Variants in SEC24B observed in about 807,000 individuals in gnomAD.
SEC24B encodes the protein SEC24 homolog B, COPII component.
SEC24B carries 45 observed loss-of-function variants against 142.8 expected under a neutral mutation model. The observed-to-expected ratio is 0.32, with a 90% CI of 0.25 to 0.40. SEC24B has a LOEUF of 0.40. SEC24B is among the 10% of genes least tolerant of loss of function. SEC24B has a pLI of 1.00. For synonymous variants in SEC24B, 574 were observed against 568.2 expected (o/e 1.01, Z -0.15); for missense variants, 1,409 against 1,526.8 (o/e 0.92, Z 1.29).
chr4:109,465,422 G>A (rs1578812794), intron 2 of SEC24B, among the ~76,000 whole-genome samples: 1 of 151,952 alleles, frequency 6.6e-6, no homozygotes, highest in East Asian at 1.9e-4. Flanking sequence ...TTTTACAAAT[G>A]AAGAAAGTTA....
At chr4:109,533,721 G>C (rs987862345) in intron 22 of SEC24B, 36 bp downstream of exon 22, 1 of 1,242,040 alleles carries the variant, frequency 8.1e-7, no homozygotes, top group Admixed American at 2.1e-5. Flanking sequence ...CTTTTTGTTT[G>C]CTCATTTTTT....
chr4:109,506,099 T>G (rs1736657290), intron 6 of SEC24B, among the ~76,000 whole-genome samples: 1 of 152,162 alleles, frequency 6.6e-6, no homozygotes, highest in Non-Finnish European at 1.5e-5. Context: ...TTGAAAAGCA[T>G]TGTTGCTGAA....
At chr4:109,533,223 C>G (rs1292226642) in intron 21 of SEC24B, among the ~76,000 whole-genome samples, 1 of 151,914 alleles carries the variant, frequency 6.6e-6, no homozygotes, top group Non-Finnish European at 1.5e-5. Flanking sequence ...CAAAATGATG[C>G]CTTATGAGCA....
At chr4:109,447,924 T>C (rs769098044) in intron 1 of SEC24B, among the ~76,000 whole-genome samples, 2 of 152,222 alleles carry the variant, frequency 1.3e-5, no homozygotes, top group African/African-American at 2.4e-5. Flanking sequence ...CTTTGTCAGC[T>C]AGCTTCTGGA....
chr4:109,501,608 T>A (rs1304748459), intron 6 of SEC24B, among the ~76,000 whole-genome samples: 3 of 152,172 alleles, frequency 2.0e-5, no homozygotes, highest in Non-Finnish European at 4.4e-5. Context: ...GTAACTGGGA[T>A]TATAGGCGTG....
Position 109,493,704 on chromosome 4 carries a change from C to T in SEC24B, c.1247-911C>T, listed in dbSNP as rs371147797. ...AGTGCAATGGCGCAATCTCGGCTCACTGCAGCCTCAGCCTCCTGAGTAGCT... is the reference window on the plus strand; with the variant it reads ...AGTGCAATGGCGCAATCTCGGCTCATTGCAGCCTCAGCCTCCTGAGTAGCT... On this transcript the variant is annotated intron_variant, in intron 5 of 23. Coordinates refer to ENST00000265175, the MANE Select transcript of SEC24B (RefSeq NM_006323.5). Among the ~76,000 whole-genome samples, 61 of 151,604 alleles carry T rather than the reference C, an allele frequency of 4.0e-4. No homozygotes were observed. The South Asian group carries it at 0.013, about 32-fold the overall frequency.
chr4:109,537,584 G>A (rs998106766), intron 22 of SEC24B, among the ~76,000 whole-genome samples: 1 of 152,186 alleles, frequency 6.6e-6, no homozygotes, highest in Admixed American at 6.5e-5. Flanking sequence ...CAAAGCTGTA[G>A]TGTACTATGA....
At chr4:109,506,180 C>G in intron 6 of SEC24B, 148 bp from the exon 7 acceptor site, 1 of 443,294 alleles carries the variant, frequency 2.3e-6, no homozygotes, top group Admixed American at 4.4e-5. Flanking sequence ...GAGTTTTTTT[C>G]AAGTGTGCTT....
intron 1 of SEC24B, among the ~76,000 whole-genome samples, chr4:109,460,181 C>T (rs779348080): frequency 2.0e-5 from 3 of 151,868 alleles, no homozygotes; most frequent in Admixed American, 6.6e-5. Flanking sequence ...TTATGCTGGC[C>T]GTAGAATATA....
intron 1 of SEC24B, among the ~76,000 whole-genome samples, chr4:109,443,400 A>C (rs1006272557): frequency 3.9e-5 from 6 of 152,126 alleles, no homozygotes; most frequent in Non-Finnish European, 7.4e-5. Context: ...ATGTAATCCT[A>C]ACAGTTATAT....
At chr4:109,439,842 C>T (rs895406402) in intron 1 of SEC24B, among the ~76,000 whole-genome samples, 5 of 150,994 alleles carry the variant, frequency 3.3e-5, no homozygotes, top group African/African-American at 7.3e-5. Context: ...TAAAGTAGGC[C>T]GAGCATGGTG....
intron 8 of SEC24B, among the ~76,000 whole-genome samples, chr4:109,511,105 ATATATATATGAAATTGTATAC>A (rs1354688782): frequency 6.6e-6 from 1 of 151,746 alleles, no homozygotes; most frequent in Non-Finnish European, 1.5e-5. Context: ...AGTTAATTTC[ATATATATATGAAATTGTATAC>A]TATATATATG....
chr4:109,460,302 A>T (rs1283689195), intron 1 of SEC24B, among the ~76,000 whole-genome samples: 2 of 152,186 alleles, frequency 1.3e-5, no homozygotes, highest in Admixed American at 6.5e-5. Flanking sequence ...ATTTTAATAC[A>T]TTATTATGGC....
chr4:109,450,931 T>C (rs927872849), intron 1 of SEC24B: 2 of 151,956 alleles, frequency 1.3e-5, no homozygotes, highest in African/African-American at 4.8e-5. Flanking sequence ...TCCTGGAAGG[T>C]CACCATATTG....
At chr4:109,499,806 T>C (rs1735921101) in intron 6 of SEC24B, among the ~76,000 whole-genome samples, 1 of 152,228 alleles carries the variant, frequency 6.6e-6, no homozygotes, top group Admixed American at 6.5e-5. Flanking sequence ...GACTACTGGT[T>C]TATGTATTTA....
intron 2 of SEC24B, among the ~76,000 whole-genome samples, chr4:109,465,876 T>G (rs1391239108): frequency 6.6e-6 from 1 of 152,226 alleles, no homozygotes; most frequent in African/African-American, 2.4e-5. Flanking sequence ...TTTTCATTCT[T>G]TTAATCTTAG....
intron 2 of SEC24B, among the ~76,000 whole-genome samples, chr4:109,467,351 C>T (rs1020627740): frequency 3.3e-5 from 5 of 149,944 alleles, no homozygotes; most frequent in Admixed American, 3.3e-4. Context: ...AAAAAAAGTC[C>T]GCTCCAAGTA....
Position 109,511,952 on chromosome 4 carries a change from C to G in SEC24B, c.1777-5C>G, listed in dbSNP as rs376425741. Reference sequence around the variant, plus strand: ...CTGCTACAGCTTCTTTATTTTATTTCCTAGCAATTACCAGTGATAACATCA... The same window carrying G: ...CTGCTACAGCTTCTTTATTTTATTTGCTAGCAATTACCAGTGATAACATCA... On this transcript the variant is annotated splice_region_variant and splice_polypyrimidine_tract_variant and intron_variant, in intron 8 of 23. Transcript: ENST00000265175. 78 of 1,610,418 alleles carry G rather than the reference C, an allele frequency of 4.8e-5. No homozygotes were observed. Among genetic ancestry groups the G allele is most frequent in the Non-Finnish European group, 6.6e-5 (78 of 1,179,178 alleles).
intron 6 of SEC24B, among the ~76,000 whole-genome samples, chr4:109,503,227 T>G (rs78504848): frequency 1.4e-4 from 20 of 139,068 alleles, no homozygotes; most frequent in East Asian, 1.0e-3. Flanking sequence ...GCCTGGCTAA[T>G]TTTTTTTTTT....
Sources: allele counts gnomAD v4.1 joint callset (sites outside exome capture counted in the v4.1 genomes callset), GRCh38; gene constraint gnomAD v4.1.1; transcripts MANE v1.5; gene names NCBI Gene and HGNC (gene_info 2026-07-23, HGNC 2026-07-21).